LGALS4: variants seen among roughly 807,000 people sequenced by gnomAD.
LGALS4 encodes galectin 4.
LGALS4 carries 37 observed loss-of-function variants against 39.6 expected under a neutral mutation model. The ratio of observed to expected loss-of-function variants is 0.93; its 90% confidence interval spans 0.72 to 1.23. The LOEUF (loss-of-function observed/expected upper bound fraction) is 1.23. Ranked by LOEUF, LGALS4 falls within the 50% of genes most tolerant of loss-of-function variation. The pLI is 0.00. For missense variants in LGALS4, 397 were observed against 433.2 expected, an observed-to-expected ratio of 0.92 and a Z score of 0.74; for synonymous variants, 160 against 165.5, an observed-to-expected ratio of 0.97 and a Z score of 0.25.
chr19:38,803,894 C>T lies in LGALS4; in HGVS notation c.476G>A (p.Gly159Glu). The change falls in exon 5 of 10, where the codon GGA becomes GAA. Residue 159 changes from glycine (G) to glutamate (E), a missense_variant and splice_region_variant. Physicochemically the swap from Gly to Glu is moderately conservative, Grantham distance 98. Coordinates refer to ENST00000307751, the MANE Select transcript of LGALS4 (RefSeq NM_006149.4). ...AGGGTAAGGTGGCATCATCGGGGGTCCCTGTGGGCACAGAAAGAGAAAGCG... is the reference window on the plus strand; with the variant it reads ...AGGGTAAGGTGGCATCATCGGGGGTTCCTGTGGGCACAGAAAGAGAAAGCG... ...FIGGQPLRPQGPPMMPPYPGP... is the reference protein window; with the variant it reads ...FIGGQPLRPQEPPMMPPYPGP... 1 of 1,608,838 alleles carries T rather than the reference C, an allele frequency of 6.2e-7. No homozygotes were observed. The highest frequency in any genetic ancestry group is 1.7e-4 in the Middle Eastern group (1 of 6,060).
chr19:38,809,059 C>A, intron 2 of LGALS4, 111 bp from the exon 3 acceptor site: 1 of 880,318 alleles, frequency 1.1e-6, no homozygotes, highest in Non-Finnish European at 1.7e-6. Context: ...TGGCCCGGAC[C>A]TCAGCACCAG....
intron 2 of LGALS4, 97 bp from the exon 3 acceptor site, chr19:38,809,045 T>A: frequency 9.8e-7 from 1 of 1,021,604 alleles, no homozygotes; most frequent in Non-Finnish European, 1.4e-6. Flanking sequence ...GTCCTCGGCC[T>A]CCCTGGCCCG....
chr19:38,803,994 C>T (rs1599991662), intron 4 of LGALS4, 99 bp from the exon 5 acceptor site: 1 of 1,303,712 alleles, frequency 7.7e-7, no homozygotes, highest in Non-Finnish European at 1.1e-6. Flanking sequence ...ACCACCACCA[C>T]CACTATGCCA....
At position 38,803,869 on chromosome 19, in the gene LGALS4, A is replaced by T; in HGVS notation, c.501T>A (p.Pro167=). The T allele has an allele frequency of 3.7e-6, 6 of 1,611,784 alleles. No homozygotes were observed. The highest frequency in any genetic ancestry group is 5.1e-6 in the Non-Finnish European group (6 of 1,178,884). Residue 167 remains proline, a splice_region_variant and synonymous_variant, in exon 5 of 10, where the codon CCT becomes CCA. Coordinates refer to ENST00000307751, the MANE Select transcript of LGALS4 (RefSeq NM_006149.4). The part of the protein sequence containing the change: ...PQGPPMMPPY[P]GPGHCHQQLN... ...CCCTCACCTATCAGCAAGTACTTAC[A>T]GGGTAAGGTGGCATCATCGGGGGTC...
Position 38,812,428 on chromosome 19 carries a change from T to TA in LGALS4, c.134+2dup, listed in dbSNP as rs1327876959. 3 of 1,613,694 alleles carry TA rather than the reference T, an allele frequency of 1.9e-6. No individual in the cohort carries two copies. In the African/African-American group the frequency reaches 4.0e-5, roughly 22 times the overall value. Reference sequence around the variant, plus strand: ...GCCCGGCCTGGCTTGGGGAGGGTCTTACCGCTTCATGTGCTCGCTGGCCAC... The same window carrying TA: ...GCCCGGCCTGGCTTGGGGAGGGTCTTAACCGCTTCATGTGCTCGCTGGCCAC... On this transcript the variant is annotated splice_region_variant and intron_variant, in intron 2 of 9. Coordinates refer to ENST00000307751, the MANE Select transcript of LGALS4 (RefSeq NM_006149.4).
intron 4 of LGALS4, among the ~76,000 whole-genome samples, chr19:38,805,618 C>A (rs550518153): frequency 2.6e-5 from 4 of 152,254 alleles, no homozygotes; most frequent in African/African-American, 7.2e-5. Context: ...GGCCCTGATC[C>A]CTCTGTCTGG....
In LGALS4 at chr19:38,806,476, C is replaced by G. The variant is rs912025851; in HGVS notation, c.459G>C (p.Gln153His). 10 of 1,614,038 alleles carry G rather than the reference C, an allele frequency of 6.2e-6. No individual in the cohort carries two copies. The African/African-American group carries it at 1.3e-4, about 22-fold the overall frequency. Reference sequence around the variant, plus strand: ...CCCCTCACACCTGGGGCCGGAGGGGCTGGCCTCCGATGAAGTTGATTGATT... The same window carrying G: ...CCCCTCACACCTGGGGCCGGAGGGGGTGGCCTCCGATGAAGTTGATTGATT... ...QLQSINFIGG[Q>H]PLRPQGPPMM... Residue 153 changes from glutamine (Q) to histidine (H), a missense_variant, in exon 4 of 10, where the codon CAG becomes CAC. Gln to His is a conservative substitution (Grantham distance 24). Coordinates refer to ENST00000307751, the MANE Select transcript of LGALS4 (RefSeq NM_006149.4).
intron 4 of LGALS4, among the ~76,000 whole-genome samples, chr19:38,806,187 G>A (rs909184287): frequency 6.6e-6 from 1 of 151,924 alleles, no homozygotes; most frequent in Non-Finnish European, 1.5e-5. Flanking sequence ...CTAACACAGT[G>A]AAACCCTGTC....
intron 2 of LGALS4, 146 bp downstream of exon 2, chr19:38,812,285 G>C (rs1222144533): frequency 1.5e-6 from 1 of 666,100 alleles, no homozygotes; most frequent in Non-Finnish European, 2.6e-6. Context: ...ATCTGCCCCA[G>C]ATTCATCTCT....
At chr19:38,807,262 G>A (rs1049857844) in intron 3 of LGALS4, among the ~76,000 whole-genome samples, 1 of 152,084 alleles carries the variant, frequency 6.6e-6, no homozygotes, top group Non-Finnish European at 1.5e-5. Context: ...CAGCTACTCC[G>A]GAGGCTAATG....
At chr19:38,808,392 G>A (rs1187312714) in intron 3 of LGALS4, among the ~76,000 whole-genome samples, 1 of 151,986 alleles carries the variant, frequency 6.6e-6, no homozygotes, top group African/African-American at 2.4e-5. Context: ...GGGAGGCCAA[G>A]GAGGGCAGAA....
chr19:38,803,238 C>T (rs1037597082), intron 7 of LGALS4: 8 of 515,800 alleles, frequency 1.6e-5, no homozygotes, highest in Non-Finnish European at 2.5e-5. Context: ...TGGTCTCGAT[C>T]GATCTCCTGA....
Position 38,802,068 on chromosome 19 carries a change from C to T in LGALS4, c.749G>A (p.Ser250Asn). 1 of 1,614,244 alleles carries T rather than the reference C, an allele frequency of 6.2e-7. No individual in the cohort carries two copies. Among genetic ancestry groups the T allele is most frequent in the Non-Finnish European group, 8.5e-7 (1 of 1,180,050 alleles). The change falls in exon 9 of 10, where the codon AGC (serine) becomes AAC (asparagine). Residue 250 changes from serine to asparagine, a missense_variant. Physicochemically the swap from Ser to Asn is conservative, Grantham distance 46. Transcript: ENST00000307751. ...RMGNGTVVRN[S>N]LLNGSWGSEE... ...GGATCCCCACGAGCCATTCAGAAGG[C>T]TGTTCCGGACCACGGTACCGTTGCC...
intron 2 of LGALS4, 52 bp downstream of exon 2, chr19:38,812,379 C>T: frequency 6.6e-7 from 1 of 1,515,926 alleles, no homozygotes. Context: ...AGGCCCAGAG[C>T]ACCCAGTTGG....
intron 1 of LGALS4, 111 bp from the exon 2 acceptor site, chr19:38,812,630 G>T: frequency 9.3e-7 from 1 of 1,076,084 alleles, no homozygotes; most frequent in South Asian, 1.4e-5. Flanking sequence ...AACCATGGGG[G>T]AGGACCAGGT....
At chr19:38,805,090 G>C (rs536967707) in intron 4 of LGALS4, among the ~76,000 whole-genome samples, 1 of 150,990 alleles carries the variant, frequency 6.6e-6, no homozygotes, top group East Asian at 1.9e-4. Context: ...CTTGAACCCA[G>C]GAAGTCAAGA....
intron 2 of LGALS4, among the ~76,000 whole-genome samples, chr19:38,809,156 G>A (rs1158567310): frequency 5.4e-5 from 8 of 148,508 alleles, no homozygotes; most frequent in South Asian, 4.2e-4. Flanking sequence ...CCACACCTTC[G>A]CTCACAGCCT....
intron 4 of LGALS4, among the ~76,000 whole-genome samples, chr19:38,805,820 C>T (rs1971415669): frequency 1.3e-5 from 2 of 152,154 alleles, no homozygotes; most frequent in Admixed American, 1.3e-4. Flanking sequence ...ACCTGTAATC[C>T]CAGCACTCTG....
chr19:38,811,765 G>C (rs547613039), intron 2 of LGALS4, among the ~76,000 whole-genome samples: 1 of 152,084 alleles, frequency 6.6e-6, no homozygotes, highest in Non-Finnish European at 1.5e-5. Flanking sequence ...TGTAATCCCA[G>C]CACTTTGGGA....
Sources: allele counts gnomAD v4.1 joint callset (sites outside exome capture counted in the v4.1 genomes callset), GRCh38; gene constraint gnomAD v4.1.1; transcripts MANE v1.5; gene names NCBI Gene and HGNC (gene_info 2026-07-23, HGNC 2026-07-21).